Variants in KCNJ3 observed in about 807,000 individuals in gnomAD.
The protein encoded by KCNJ3 is G protein-activated inward rectifier potassium channel 1.
In KCNJ3, 4 loss-of-function variants were observed where a neutral mutation model predicts 39.2. That is an observed-to-expected ratio of 0.10 (90% CI 0.05 to 0.23). The LOEUF is 0.23. Ranked by LOEUF, KCNJ3 falls within the 10% of genes least tolerant of loss-of-function variation. The pLI is 1.00. For synonymous variants in KCNJ3, 230 were observed against 237.4 expected (o/e 0.97, Z 0.29); for missense variants, 276 against 634.9 (o/e 0.43, Z 6.08).
At chr2:154,776,250 C>T (rs551514899) in intron 2 of KCNJ3, among the ~76,000 whole-genome samples, 3 of 152,232 alleles carry the variant, frequency 2.0e-5, no homozygotes, top group Admixed American at 1.3e-4. Context: ...GATCTGCCTT[C>T]CTTGGCCTCC....
At chr2:154,731,166 C>CTTGAAGGA (rs1228061073) in intron 2 of KCNJ3, among the ~76,000 whole-genome samples, 2 of 151,972 alleles carry the variant, frequency 1.3e-5, no homozygotes, top group African/African-American at 2.4e-5. Context: ...AGAGCAAAGG[C>CTTGAAGGA]TTGAAGGAGT....
intron 1 of KCNJ3, among the ~76,000 whole-genome samples, chr2:154,706,635 C>T (rs963456241): frequency 3.3e-5 from 5 of 152,192 alleles, no homozygotes; most frequent in African/African-American, 9.6e-5. Flanking sequence ...TTAAAACTAA[C>T]TCATAGGCTT....
chr2:154,836,858 T>G (rs1687474349), intron 2 of KCNJ3, among the ~76,000 whole-genome samples: 1 of 152,174 alleles, frequency 6.6e-6, no homozygotes, highest in Admixed American at 6.5e-5. Flanking sequence ...CAAAATGTAT[T>G]TGAATTTCTG....
intron 2 of KCNJ3, among the ~76,000 whole-genome samples, chr2:154,746,509 G>A (rs1685745021): frequency 6.6e-6 from 1 of 150,898 alleles, no homozygotes; most frequent in South Asian, 2.1e-4. Context: ...TTATTGTACT[G>A]TTATTTTTAC....
At chr2:154,719,119 T>C (rs1399087189) in intron 2 of KCNJ3, among the ~76,000 whole-genome samples, 1 of 152,176 alleles carries the variant, frequency 6.6e-6, no homozygotes, top group Non-Finnish European at 1.5e-5. Context: ...TGCTGACTTG[T>C]GTGCCCTCAC....
chr2:154,742,426 T>C (rs1459844032), intron 2 of KCNJ3, among the ~76,000 whole-genome samples: 1 of 151,852 alleles, frequency 6.6e-6, no homozygotes, highest in Non-Finnish European at 1.5e-5. Context: ...ATGGTAATTT[T>C]ATTCTAAATT....
At chr2:154,819,975 G>T (rs918048864) in intron 2 of KCNJ3, among the ~76,000 whole-genome samples, 1 of 151,562 alleles carries the variant, frequency 6.6e-6, no homozygotes, top group Non-Finnish European at 1.5e-5. Flanking sequence ...TGTGTGCTTT[G>T]CATTTGTTGT....
chr2:154,842,797 A>G (rs923139341), intron 2 of KCNJ3, among the ~76,000 whole-genome samples: 3 of 151,766 alleles, frequency 2.0e-5, no homozygotes, highest in Admixed American at 6.6e-5. Flanking sequence ...TGCTTGGTAG[A>G]TCTTCCTCCA....
chr2:154,727,810 G>A (rs1297193733), intron 2 of KCNJ3, among the ~76,000 whole-genome samples: 3 of 151,558 alleles, frequency 2.0e-5, no homozygotes, highest in African/African-American at 7.3e-5. Flanking sequence ...AGCTGTCATA[G>A]TAGAAAAAAT....
At chr2:154,715,960 C>T (rs930417296) in intron 2 of KCNJ3, among the ~76,000 whole-genome samples, 1 of 152,098 alleles carries the variant, frequency 6.6e-6, no homozygotes, top group Admixed American at 6.6e-5. Flanking sequence ...TAGATAAATT[C>T]TCTGCAGATA....
chr2:154,821,611 A>C (rs1687180336), intron 2 of KCNJ3, among the ~76,000 whole-genome samples: 1 of 151,368 alleles, frequency 6.6e-6, no homozygotes, highest in Admixed American at 6.6e-5. Context: ...CAACTTTTCC[A>C]AAAAAAGAAA....
intron 2 of KCNJ3, among the ~76,000 whole-genome samples, chr2:154,764,102 A>G (rs1207339096): frequency 6.6e-6 from 1 of 152,240 alleles, no homozygotes; most frequent in Non-Finnish European, 1.5e-5. Flanking sequence ...TATCAATGTT[A>G]GTTGTCAGCT....
At position 154,846,851 on chromosome 2, in the gene KCNJ3, C is replaced by T. The variant is rs117341175; in HGVS notation, c.920-7876C>T. On this transcript the variant is annotated intron_variant, in intron 2 of 2. Transcript: ENST00000295101. ...ATTTGAAATATTTGTTTCTAAAATT[C>T]TTATTGAAGCTTTATTTTCTGACAA... Among the ~76,000 whole-genome samples the T allele has an allele frequency of 2.8e-4, 43 of 152,226 alleles. No homozygotes were observed. In the East Asian group the frequency reaches 8.3e-3, roughly 29 times the overall value.
intron 2 of KCNJ3, among the ~76,000 whole-genome samples, chr2:154,817,302 T>C (rs976207169): frequency 6.6e-6 from 1 of 152,180 alleles, no homozygotes; most frequent in African/African-American, 2.4e-5. Context: ...TAATTCTACA[T>C]TAGCAGTGCT....
At chr2:154,728,946 G>A (rs1472088654) in intron 2 of KCNJ3, among the ~76,000 whole-genome samples, 1 of 152,058 alleles carries the variant, frequency 6.6e-6, no homozygotes, top group East Asian at 1.9e-4. Flanking sequence ...ACATTATCTA[G>A]TACTCTGGGA....
chr2:154,842,210 T>C (rs1004704043), intron 2 of KCNJ3, among the ~76,000 whole-genome samples: 5 of 152,230 alleles, frequency 3.3e-5, no homozygotes, highest in Admixed American at 2.0e-4. Flanking sequence ...CCAGTCGTCA[T>C]TCAGGAGCAA....
intron 2 of KCNJ3, among the ~76,000 whole-genome samples, chr2:154,726,666 T>TTTA (rs993488524): frequency 6.6e-5 from 10 of 152,060 alleles, no homozygotes; most frequent in African/African-American, 2.4e-4. Context: ...CACATGCATG[T>TTTA]TTATAGCAAG....
intron 2 of KCNJ3, among the ~76,000 whole-genome samples, chr2:154,759,790 A>G (rs1373097417): frequency 6.6e-6 from 1 of 152,130 alleles, no homozygotes; most frequent in Non-Finnish European, 1.5e-5. Flanking sequence ...CTTTAACTTC[A>G]TTGTATTTTT....
chr2:154,857,134 T>C lies in KCNJ3; in HGVS notation c.*1821T>C, dbSNP rs984606216. Reference sequence around the variant, plus strand: ...TACTGGCAAAATGATCAATCTGGAGTGTGCATCCACTGTGAATGGAGCAAA... The same window carrying C: ...TACTGGCAAAATGATCAATCTGGAGCGTGCATCCACTGTGAATGGAGCAAA... On this transcript the variant is annotated 3_prime_UTR_variant, in exon 3 of 3. Transcript: ENST00000295101. The C allele has an allele frequency of 6.6e-6, 1 of 152,048 alleles. No homozygotes were observed. Among genetic ancestry groups the C allele is most frequent in the Non-Finnish European group, 1.5e-5 (1 of 68,010 alleles). 9.4% of individuals were successfully genotyped at this position (152,048 alleles called of 1,614,324 possible). A position where few individuals can be genotyped will look rare whatever the true frequency, so the allele number is the denominator to read the frequency against.
Sources: allele counts gnomAD v4.1 joint callset (sites outside exome capture counted in the v4.1 genomes callset), GRCh38; gene constraint gnomAD v4.1.1; transcripts MANE v1.5; gene names NCBI Gene and HGNC (gene_info 2026-07-23, HGNC 2026-07-21).